B3GLCT: variants seen among roughly 807,000 people sequenced by gnomAD.
B3GLCT encodes the protein beta 3-glucosyltransferase, also known as beta-1,3-glucosyltransferase.
In B3GLCT, 65 loss-of-function variants were observed where a neutral mutation model predicts 63.4. The ratio of observed to expected loss-of-function variants is 1.03; its 90% confidence interval spans 0.84 to 1.26. The LOEUF is 1.26. Among genes scored for constraint, B3GLCT ranks in the 50% most tolerant of loss-of-function variants. The probability of loss-of-function intolerance (pLI) is 0.00; values close to 1 mark genes in which losing one functional copy is unlikely to be tolerated. For synonymous variants in B3GLCT, 233 were observed against 219.2 expected, an observed-to-expected ratio of 1.06 and a Z score of -0.55; for missense variants, 577 against 604.8, an observed-to-expected ratio of 0.95 and a Z score of 0.48.
At chr13:31,216,081 A>G (rs1471362448) in intron 2 of B3GLCT, among the ~76,000 whole-genome samples, 3 of 152,224 alleles carry the variant, frequency 2.0e-5, no homozygotes, top group African/African-American at 2.4e-5. Flanking sequence ...TTTTTGTCAT[A>G]TTAAAGCTCA....
chr13:31,269,846 C>A (rs1458797753), intron 8 of B3GLCT, among the ~76,000 whole-genome samples: 1 of 152,178 alleles, frequency 6.6e-6, no homozygotes, highest in Non-Finnish European at 1.5e-5. Context: ...AGGAAGCAGG[C>A]CCTCACCACT....
In B3GLCT at chr13:31,229,300, T is replaced by TA; in HGVS notation, c.270+7dup. On this transcript the variant is annotated splice_region_variant and intron_variant, in intron 4 of 14. Coordinates refer to ENST00000343307, the MANE Select transcript of B3GLCT (RefSeq NM_194318.4). The stretch of plus-strand genomic sequence containing the variant: ...AGGCTGCAGATCTTACACAGGTACG[T>TA]AGCGATGGCTGGGGGGTCTGCCAGT... The TA allele has an allele frequency of 6.5e-7, 1 of 1,527,328 alleles. No homozygotes were observed. Among genetic ancestry groups the TA allele is most frequent in the South Asian group, 1.1e-5 (1 of 89,366 alleles). 94.6% of individuals were successfully genotyped at this position (1,527,328 alleles called of 1,614,324 possible).
intron 7 of B3GLCT, among the ~76,000 whole-genome samples, chr13:31,268,206 A>G (rs1330813910): frequency 6.6e-6 from 1 of 152,170 alleles, no homozygotes; most frequent in Non-Finnish European, 1.5e-5. Flanking sequence ...GAGGTTTGTA[A>G]TTTAATAGTC....
At chr13:31,287,095 C>T (rs746801401) in intron 12 of B3GLCT, among the ~76,000 whole-genome samples, 1 of 152,170 alleles carries the variant, frequency 6.6e-6, no homozygotes, top group Non-Finnish European at 1.5e-5. Context: ...TTCCAAGTTA[C>T]TGCTTAGGGA....
chr13:31,250,141 A>G (rs749648657), intron 6 of B3GLCT, among the ~76,000 whole-genome samples: 1 of 152,102 alleles, frequency 6.6e-6, no homozygotes, highest in African/African-American at 2.4e-5. Context: ...ATATATGTGT[A>G]TTTTATGAGG....
At chr13:31,329,127 A>G (rs1376626404) in intron 14 of B3GLCT, among the ~76,000 whole-genome samples, 4 of 152,192 alleles carry the variant, frequency 2.6e-5, no homozygotes, top group African/African-American at 9.6e-5. Context: ...ACTTACGGCC[A>G]GTTTCCTTAG....
intron 12 of B3GLCT, among the ~76,000 whole-genome samples, chr13:31,315,263 G>A (rs1022391450): frequency 6.6e-6 from 1 of 152,220 alleles, no homozygotes; most frequent in East Asian, 1.9e-4. Flanking sequence ...ACAGGAAGAT[G>A]AATGAAAGTT....
chr13:31,309,622 G>T (rs916885597), intron 12 of B3GLCT, among the ~76,000 whole-genome samples: 11 of 152,186 alleles, frequency 7.2e-5, no homozygotes, highest in African/African-American at 2.7e-4. Flanking sequence ...TATTATCAAG[G>T]ATGCAGATGA....
chr13:31,270,147 G>A (rs528016339), intron 8 of B3GLCT, among the ~76,000 whole-genome samples: 15 of 152,214 alleles, frequency 9.9e-5, no homozygotes, highest in African/African-American at 3.6e-4. Context: ...AATTATTCTC[G>A]AATCATCATT....
At chr13:31,329,415 C>T in intron 14 of B3GLCT, 86 bp from the exon 15 acceptor site, 1 of 1,436,788 alleles carries the variant, frequency 7.0e-7, no homozygotes, top group Non-Finnish European at 9.8e-7. Context: ...TGAAGTAAAG[C>T]AGTCCACTTT....
At chr13:31,216,414 A>G (rs1011265907) in intron 2 of B3GLCT, among the ~76,000 whole-genome samples, 1 of 152,178 alleles carries the variant, frequency 6.6e-6, no homozygotes, top group African/African-American at 2.4e-5. Flanking sequence ...TTTTAGGTCA[A>G]GGGGTACATG....
intron 4 of B3GLCT, among the ~76,000 whole-genome samples, chr13:31,246,372 C>T (rs1470638777): frequency 6.6e-6 from 1 of 152,132 alleles, no homozygotes; most frequent in Non-Finnish European, 1.5e-5. Context: ...TTTATGTAAG[C>T]ACAGTTGTGC....
chr13:31,250,688 T>G (rs1476007875), intron 6 of B3GLCT, among the ~76,000 whole-genome samples: 1 of 152,116 alleles, frequency 6.6e-6, no homozygotes, highest in Non-Finnish European at 1.5e-5. Flanking sequence ...GCAGGGCGTC[T>G]CTGAAAAAAG....
intron 4 of B3GLCT, among the ~76,000 whole-genome samples, chr13:31,231,612 C>G (rs913009235): frequency 6.6e-6 from 1 of 152,180 alleles, no homozygotes; most frequent in Admixed American, 6.5e-5. Flanking sequence ...TCATTGCTGG[C>G]TCTCTACCTG....
At chr13:31,285,999 G>A (rs1330813430) in intron 11 of B3GLCT, among the ~76,000 whole-genome samples, 1 of 152,124 alleles carries the variant, frequency 6.6e-6, no homozygotes, top group Non-Finnish European at 1.5e-5. Context: ...CAAATTGAGT[G>A]GTTTAATAGT....
intron 14 of B3GLCT, among the ~76,000 whole-genome samples, chr13:31,324,364 A>C (rs2137948419): frequency 1.3e-5 from 2 of 152,288 alleles, no homozygotes; most frequent in South Asian, 4.1e-4. Context: ...GAATGGCTAA[A>C]ATCTATTAAG....
chr13:31,204,707 A>G (rs1868859013), intron 1 of B3GLCT, among the ~76,000 whole-genome samples: 1 of 152,092 alleles, frequency 6.6e-6, no homozygotes, highest in South Asian at 2.1e-4. Context: ...TGGCTGTCTG[A>G]TGGAGCAGGA....
chr13:31,260,822 A>C lies in B3GLCT; in HGVS notation c.460-124A>C, dbSNP rs1304627722. 4 of 833,828 alleles carry C rather than the reference A, an allele frequency of 4.8e-6. No individual in the cohort carries two copies. The Admixed American group carries it at 7.1e-5, about 15-fold the overall frequency. The allele number at this position is 833,828 out of a possible 1,614,324, so 51.7% of individuals were successfully genotyped here. On this transcript the variant is annotated intron_variant, in intron 6 of 14. Coordinates refer to ENST00000343307, the MANE Select transcript of B3GLCT (RefSeq NM_194318.4). Reference sequence around the variant, plus strand: ...TGTTCACATTCTCTAGAAATATTTAATCTGTGCTAATAACTCTTTATCACC... The same window carrying C: ...TGTTCACATTCTCTAGAAATATTTACTCTGTGCTAATAACTCTTTATCACC...
chr13:31,324,684 C>T (rs1399754127), intron 14 of B3GLCT, among the ~76,000 whole-genome samples: 2 of 152,004 alleles, frequency 1.3e-5, no homozygotes, highest in African/African-American at 4.8e-5. Flanking sequence ...TAGATGCCTT[C>T]TCTTATATTG....
Sources: gnomAD v4.1 joint callset for allele counts (sites outside exome capture counted in the v4.1 genomes callset) on GRCh38, gnomAD v4.1.1 for gene constraint, MANE v1.5 for transcripts, NCBI Gene and HGNC (gene_info 2026-07-23, HGNC 2026-07-21) for gene names.